Variants in TDRD9 observed in about 807,000 individuals in gnomAD.
The protein encoded by TDRD9 is ATP-dependent RNA helicase TDRD9.
A neutral mutation model predicts 172.6 loss-of-function variants in TDRD9; 124 were observed. That is an observed-to-expected ratio of 0.72 (90% CI 0.62 to 0.83). The LOEUF is 0.83. Ranked by LOEUF, TDRD9 falls within the 40% of genes least tolerant of loss-of-function variation. The pLI is 0.00. For missense variants in TDRD9, 1,479 were observed against 1,714.1 expected, an observed-to-expected ratio of 0.86 and a Z score of 2.42; for synonymous variants, 619 against 617.1, an observed-to-expected ratio of 1.00 and a Z score of -0.05.
intron 20 of TDRD9, among the ~76,000 whole-genome samples, chr14:104,012,564 TCA>T (rs1013529630): frequency 6.6e-6 from 1 of 151,936 alleles, no homozygotes; most frequent in African/African-American, 2.4e-5. Context: ...TTAGTTTACT[TCA>T]GTCTTTCTGA....
chr14:103,941,034 C>G (rs1349721723), intron 1 of TDRD9: 1 of 1,535,318 alleles, frequency 6.5e-7, no homozygotes, highest in Non-Finnish European at 8.7e-7. Context: ...GGAAGTCTTT[C>G]AGAACTTGCT....
At chr14:103,936,251 G>A (rs955085897) in intron 1 of TDRD9, among the ~76,000 whole-genome samples, 4 of 152,032 alleles carry the variant, frequency 2.6e-5, no homozygotes, top group African/African-American at 9.7e-5. Context: ...TGCCATGCCT[G>A]ACAAATTAAA....
At chr14:103,952,973 C>A (rs1221047651) in intron 1 of TDRD9, among the ~76,000 whole-genome samples, 1 of 151,866 alleles carries the variant, frequency 6.6e-6, no homozygotes, top group African/African-American at 2.4e-5. Flanking sequence ...CTCCTGACCT[C>A]AGGTGATCCA....
intron 1 of TDRD9, among the ~76,000 whole-genome samples, chr14:103,943,378 GTGTA>G (rs1264772554): frequency 5.3e-5 from 8 of 150,930 alleles, no homozygotes; most frequent in Non-Finnish European, 1.2e-4. Flanking sequence ...ATGTACATAT[GTGTA>G]TGTATTTTAT....
intron 33 of TDRD9, among the ~76,000 whole-genome samples, chr14:104,041,253 G>A (rs1250376776): frequency 1.3e-5 from 2 of 152,132 alleles, no homozygotes; most frequent in Non-Finnish European, 2.9e-5. Flanking sequence ...TAGACCTAAT[G>A]GGAAAATGTA....
rs755711777 is a variant in TDRD9 at position 103,965,495 on chromosome 14, A to G, written c.583A>G (p.Ile195Val). The G allele has an allele frequency of 1.6e-5, 25 of 1,546,788 alleles. No homozygotes were observed. Among genetic ancestry groups the G allele is most frequent in the African/African-American group, 2.8e-5 (2 of 72,504 alleles). ...GCCCCGGAAGATAGGGGCAAGCAGC[A>G]TCGCCAGGTGGATCAGTAAAGAGCG... ...TQPRKIGASS[I>V]ARWISKERAW... Residue 195 changes from isoleucine (I) to valine (V), a missense_variant, in exon 4 of 36, where the codon ATC (isoleucine) becomes GTC (valine). Around this residue, in one of 3 missense-constraint regions of TDRD9, gnomAD observed 1,413 missense variants for 1,649.1 expected, o/e 0.86. Transcript: ENST00000409874.
intron 28 of TDRD9, among the ~76,000 whole-genome samples, chr14:104,029,917 G>A (rs996373192): frequency 1.3e-5 from 2 of 152,098 alleles, no homozygotes; most frequent in Non-Finnish European, 2.9e-5. Context: ...TGCTTTTTCT[G>A]CATCTGTTGA....
At chr14:104,013,763 C>T (rs1049017273) in intron 20 of TDRD9, 7 of 151,856 alleles carry the variant, frequency 4.6e-5, no homozygotes, top group Admixed American at 1.3e-4. Context: ...GCATTAAACG[C>T]AACACTGATG....
chr14:103,999,970 A>G (rs918098597), intron 13 of TDRD9, among the ~76,000 whole-genome samples: 2 of 152,158 alleles, frequency 1.3e-5, no homozygotes, highest in East Asian at 1.9e-4. Flanking sequence ...TTTTTGTTAT[A>G]TCACCTCTCC....
At chr14:104,034,237 C>G (rs2035380110) in intron 31 of TDRD9, among the ~76,000 whole-genome samples, 168 bp downstream of exon 31, 1 of 128,398 alleles carries the variant, frequency 7.8e-6, no homozygotes, top group Non-Finnish European at 1.5e-5. Context: ...GTCGCCCAGG[C>G]TAGAGTGCAG....
In TDRD9 at chr14:103,928,771, G is replaced by T. The variant is rs376931720; in HGVS notation, c.215+47G>T. The stretch of plus-strand genomic sequence containing the variant: ...GGCGGCTGGAGGGCGGCCGGGCGAG[G>T]CCTGGCGACGAGGGCACGGGCCATC... On this transcript the variant is annotated intron_variant, in intron 1 of 35. Coordinates refer to ENST00000409874, the MANE Select transcript of TDRD9 (RefSeq NM_153046.3). 53 of 735,368 alleles carry T rather than the reference G, an allele frequency of 7.2e-5. No homozygotes were observed. In the East Asian group the frequency reaches 1.7e-3, roughly 23 times the overall value. The allele number at this position is 735,368 out of a possible 1,614,324, so 45.6% of individuals were successfully genotyped here. A position where few individuals can be genotyped will look rare whatever the true frequency, so the allele number is the denominator to read the frequency against.
In TDRD9 at chr14:103,999,280, AC is replaced by A. The variant is rs1174058264; in HGVS notation, c.1483+553del. ...AATGGATAAACCCCATCATCCTGACACTATGTTTTTTTCTTAAAGTTAAGTT... is the reference window on the plus strand; with the variant it reads ...AATGGATAAACCCCATCATCCTGACATATGTTTTTTTCTTAAAGTTAAGTT... On this transcript the variant is annotated intron_variant, in intron 13 of 35. Coordinates refer to ENST00000409874, the MANE Select transcript of TDRD9 (RefSeq NM_153046.3). Among the ~76,000 whole-genome samples, 3 of 152,194 alleles carry A rather than the reference AC, an allele frequency of 2.0e-5. No homozygotes were observed. The East Asian group carries it at 5.8e-4, about 29-fold the overall frequency.
chr14:103,983,637 C>T (rs941746620), intron 7 of TDRD9, among the ~76,000 whole-genome samples: 1 of 152,132 alleles, frequency 6.6e-6, no homozygotes, highest in African/African-American at 2.4e-5. Flanking sequence ...GTGCTGGATA[C>T]TGTAGAAAGA....
At chr14:104,051,695 A>T (rs1490399967) in intron 35 of TDRD9, among the ~76,000 whole-genome samples, 1 of 152,104 alleles carries the variant, frequency 6.6e-6, no homozygotes, top group Non-Finnish European at 1.5e-5. Flanking sequence ...CACTTCTCTG[A>T]TGATTACTGA....
At chr14:104,036,172 C>T (rs551896291) in intron 32 of TDRD9, among the ~76,000 whole-genome samples, 11 of 152,016 alleles carry the variant, frequency 7.2e-5, no homozygotes, top group Non-Finnish European at 1.5e-4. Flanking sequence ...CCCACAAATA[C>T]CAGGTTTTTC....
intron 21 of TDRD9, among the ~76,000 whole-genome samples, chr14:104,015,140 C>CT (rs2034749078): frequency 6.6e-6 from 1 of 152,202 alleles, no homozygotes; most frequent in Admixed American, 6.5e-5. Flanking sequence ...TGTGTTATCA[C>CT]TGCTTCAGGA....
At chr14:104,029,370 A>G (rs2152249044) in intron 28 of TDRD9, among the ~76,000 whole-genome samples, 1 of 152,174 alleles carries the variant, frequency 6.6e-6, no homozygotes, top group South Asian at 2.1e-4. Flanking sequence ...GATATTTTGT[A>G]GTTTTCATTA....
intron 7 of TDRD9, among the ~76,000 whole-genome samples, chr14:103,985,223 G>A (rs1191466971): frequency 6.6e-6 from 1 of 152,196 alleles, no homozygotes; most frequent in Non-Finnish European, 1.5e-5. Context: ...GGAGGGGCCA[G>A]AGGCAGAATG....
chr14:104,026,823 A>G lies in TDRD9; in HGVS notation c.3166A>G (p.Ser1056Gly). 6.2e-7 allele frequency: 1 copy of G among 1,614,050 alleles called. No individual in the cohort carries two copies. Among genetic ancestry groups the G allele is most frequent in the African/African-American group, 1.3e-5 (1 of 75,060 alleles). The change falls in exon 28 of 36, where the codon AGC becomes GGC. Residue 1056 changes from serine to glycine, a missense_variant. By Grantham distance (56) the Ser-to-Gly change is moderately conservative (BLOSUM62 0). This residue lies in a region of TDRD9 where 1,413 missense variants were observed against 1,649.1 expected (regional missense o/e 0.86). Coordinates refer to ENST00000409874, the MANE Select transcript of TDRD9 (RefSeq NM_153046.3). ...LLVKVFSVVH[S>G]VLHVDVYQYS... ...TGTGAAGGTCTTCTCTGTGGTGCAC[A>G]GCGTCCTGCACGTGGATGTGTACCA...
Sources: gnomAD v4.1 joint callset for allele counts (sites outside exome capture counted in the v4.1 genomes callset) on GRCh38, gnomAD v4.1.1 for gene constraint, gnomAD v4.1.1 regional missense constraint, MANE v1.5 for transcripts, NCBI Gene and HGNC (gene_info 2026-07-23, HGNC 2026-07-21) for gene names.